Variants in TMEM132C observed in about 807,000 individuals in gnomAD.
TMEM132C encodes the protein protein phosphatase 1, regulatory subunit 152.
Under a neutral mutation model 61.4 loss-of-function variants are expected in TMEM132C, and 29 were observed. The ratio of observed to expected loss-of-function variants is 0.47; its 90% CI spans 0.35 to 0.64. TMEM132C has a LOEUF of 0.64. Ranked by LOEUF, TMEM132C falls within the 30% of genes least tolerant of loss-of-function variation. The pLI is 0.00. For missense variants in TMEM132C, 1,408 were observed against 1,476.9 expected (o/e 0.95, Z 0.76); for synonymous variants, 656 against 633.1 (o/e 1.04, Z -0.54).
chr12:128,284,768 T>G (rs1376313252), intron 1 of TMEM132C, among the ~76,000 whole-genome samples: 1 of 152,188 alleles, frequency 6.6e-6, no homozygotes, highest in African/African-American at 2.4e-5. Flanking sequence ...ATGATATAGA[T>G]GAATTTGGGA....
intron 2 of TMEM132C, among the ~76,000 whole-genome samples, chr12:128,515,523 T>C (rs1230415563): frequency 6.6e-6 from 1 of 152,226 alleles, no homozygotes; most frequent in African/African-American, 2.4e-5. Flanking sequence ...TGATTCTGTT[T>C]TCTTTTATTT....
rs1868734667 is a variant in TMEM132C, at chr12:128,415,353, A to C, written c.707A>C (p.Asn236Thr). 1 of 1,571,832 alleles carries C rather than the reference A, an allele frequency of 6.4e-7. No homozygotes were observed. Among genetic ancestry groups the C allele is most frequent in the South Asian group, 1.2e-5 (1 of 86,156 alleles). ...CTCTACTACACCGTGCACCCAGGAAACGAGCGAGGGGACTGTGCCGGGGGT... is the reference window on the plus strand; with the variant it reads ...CTCTACTACACCGTGCACCCAGGAACCGAGCGAGGGGACTGTGCCGGGGGT... ...VELYYTVHPG[N>T]ERGDCAGGDF... Residue 236 changes from asparagine (N) to threonine (T), a missense_variant, in exon 2 of 9, where the codon AAC becomes ACC. By Grantham distance (65) the Asn-to-Thr change is moderately conservative. Transcript: ENST00000435159. The surrounding 1 kb of genome is among the most constrained non-coding windows in gnomAD (Gnocchi z 5.8).
At chr12:128,346,341 G>A (rs1620132) in intron 1 of TMEM132C, among the ~76,000 whole-genome samples, 126,853 of 152,106 alleles carry the variant, frequency 0.83, 55,215 homozygotes, top group East Asian at 0.97. Flanking sequence ...TAATGGTGAT[G>A]CCTCCAGCTT....
intron 3 of TMEM132C, among the ~76,000 whole-genome samples, chr12:128,596,619 T>C (rs1391227171): frequency 6.8e-6 from 1 of 147,934 alleles, no homozygotes; most frequent in Non-Finnish European, 1.5e-5. Flanking sequence ...ACTGATCCCA[T>C]GTCCTCTCCA....
intron 1 of TMEM132C, among the ~76,000 whole-genome samples, chr12:128,303,924 T>G (rs1871676300): frequency 1.3e-5 from 2 of 152,104 alleles, no homozygotes; most frequent in Admixed American, 1.3e-4. Context: ...GTATGAAATA[T>G]GAGAAATTAC....
intron 2 of TMEM132C, among the ~76,000 whole-genome samples, chr12:128,465,052 C>T (rs1210135788): frequency 6.6e-6 from 1 of 152,096 alleles, no homozygotes; most frequent in Non-Finnish European, 1.5e-5. Context: ...TTTCTGCAAT[C>T]ACGTCCCTTG....
At chr12:128,540,239 G>A (rs962174857) in intron 2 of TMEM132C, among the ~76,000 whole-genome samples, 1 of 151,972 alleles carries the variant, frequency 6.6e-6, no homozygotes, top group African/African-American at 2.4e-5. Flanking sequence ...TAGTGAATGC[G>A]AATGATTCTC....
At chr12:128,400,505 G>A (rs558428046) in intron 1 of TMEM132C, among the ~76,000 whole-genome samples, 17 of 151,752 alleles carry the variant, frequency 1.1e-4, no homozygotes, top group Non-Finnish European at 7.4e-5. Context: ...TTCTGTGGGC[G>A]GGCTGTTCTG....
rs906543534 is a variant in TMEM132C at position 128,393,784 on chromosome 12, C to T, written c.86-20948C>T. Among the ~76,000 whole-genome samples, 12 of 152,286 alleles carry T rather than the reference C, an allele frequency of 7.9e-5. 1 individual carries two copies. The South Asian group carries it at 1.2e-3, about 16-fold the overall frequency. On this transcript the variant is annotated intron_variant, in intron 1 of 8. Coordinates refer to ENST00000435159, the MANE Select transcript of TMEM132C (RefSeq NM_001136103.3). ...TGCTCCATCTCCAGCATCAGATCAGCATTGCAATCAGGCAAAAAAGAAAGG... is the reference window on the plus strand; with the variant it reads ...TGCTCCATCTCCAGCATCAGATCAGTATTGCAATCAGGCAAAAAAGAAAGG...
chr12:128,371,991 C>G (rs1874040897), intron 1 of TMEM132C, among the ~76,000 whole-genome samples: 1 of 152,168 alleles, frequency 6.6e-6, no homozygotes, highest in Non-Finnish European at 1.5e-5. Context: ...GTGCAGTCAT[C>G]ACCATGACTT....
In TMEM132C at chr12:128,413,298, C is replaced by CAA. The variant is rs56026776; in HGVS notation, c.86-1412_86-1411dup. ...TGGGCGACAGAGCGAGACTCTGTCT[C>CAA]AAAAAAAAAAAAAAAAAAAAAAACC... On this transcript the variant is annotated intron_variant, in intron 1 of 8. Transcript: ENST00000435159. 2.9e-3 allele frequency among the ~76,000 whole-genome samples: 177 copies of CAA among 60,488 alleles called. 31 individuals are homozygous for CAA. The highest frequency in any genetic ancestry group is 0.038 in the Middle Eastern group (2 of 52). The allele number at this position is 60,488 out of a possible 152,430, so 39.7% of individuals were successfully genotyped here. A position where few individuals can be genotyped will look rare whatever the true frequency, so the allele number is the denominator to read the frequency against.
chr12:128,323,481 T>G (rs1872402389), intron 1 of TMEM132C, among the ~76,000 whole-genome samples: 1 of 152,202 alleles, frequency 6.6e-6, no homozygotes. Flanking sequence ...ATAGCCTTGC[T>G]CGTTGGGGGA....
At chr12:128,328,025 C>T (rs925672183) in intron 1 of TMEM132C, among the ~76,000 whole-genome samples, 4 of 152,074 alleles carry the variant, frequency 2.6e-5, no homozygotes, top group Admixed American at 1.3e-4. Flanking sequence ...CCCCACTTCC[C>T]GTTATGGTCA....
chr12:128,442,005 TAATA>T (rs1459882431), intron 2 of TMEM132C, among the ~76,000 whole-genome samples: 3 of 151,934 alleles, frequency 2.0e-5, no homozygotes, highest in Non-Finnish European at 4.4e-5. Flanking sequence ...CATCTCTAAT[TAATA>T]AATAAATTAA....
chr12:128,414,066 C>T (rs1388343731), intron 1 of TMEM132C, among the ~76,000 whole-genome samples: 5 of 151,606 alleles, frequency 3.3e-5, no homozygotes, highest in Non-Finnish European at 7.4e-5. Flanking sequence ...AATGGCTGTA[C>T]AGTTGTCCTA....
At chr12:128,623,301 T>TTGCTTTACTTAGAAAGTAAAGC (rs1190497585) in intron 4 of TMEM132C, among the ~76,000 whole-genome samples, 2 of 152,148 alleles carry the variant, frequency 1.3e-5, no homozygotes, top group Admixed American at 1.3e-4. Flanking sequence ...AAGTTTAGGC[T>TTGCTTTACTTAGAAAGTAAAGC]TTCATTATGG....
At chr12:128,483,760 G>A (rs544708140) in intron 2 of TMEM132C, among the ~76,000 whole-genome samples, 4 of 152,124 alleles carry the variant, frequency 2.6e-5, no homozygotes, top group Admixed American at 6.5e-5. Flanking sequence ...CATAGCCATC[G>A]TTAGAGATTG....
intron 4 of TMEM132C, among the ~76,000 whole-genome samples, chr12:128,658,472 A>G (rs568715257): frequency 3.1e-4 from 47 of 151,900 alleles, no homozygotes; most frequent in Admixed American, 2.2e-3. Context: ...ATGTTTCCCC[A>G]ACCAACTGCG....
intron 3 of TMEM132C, among the ~76,000 whole-genome samples, chr12:128,585,870 G>A (rs1390024604): frequency 6.6e-6 from 1 of 152,188 alleles, no homozygotes; most frequent in Non-Finnish European, 1.5e-5. Flanking sequence ...ATACAAGGGC[G>A]GGTGCCAGGG....
Sources: allele counts gnomAD v4.1 joint callset (sites outside exome capture counted in the v4.1 genomes callset), GRCh38; gene constraint gnomAD v4.1.1; non-coding constraint Gnocchi (gnomAD v3.1); transcripts MANE v1.5; gene names NCBI Gene and HGNC (gene_info 2026-07-23, HGNC 2026-07-21).